STRN: variants seen among roughly 807,000 people sequenced by gnomAD.
STRN encodes the protein protein phosphatase 2 regulatory subunit B'''alpha.
Under a neutral mutation model 96.3 loss-of-function variants are expected in STRN, and 53 were observed. That is an observed-to-expected ratio of 0.55 (90% CI 0.44 to 0.69). STRN has a LOEUF of 0.69. Among genes scored for constraint, STRN ranks in the 30% least tolerant of loss-of-function variants. The pLI is 0.00. For missense variants in STRN, 987 were observed against 963.9 expected (o/e 1.02, Z -0.32); for synonymous variants, 428 against 355.9 (o/e 1.20, Z -2.28).
intron 1 of STRN, among the ~76,000 whole-genome samples, chr2:36,950,669 G>C (rs1239219457): frequency 1.3e-5 from 2 of 152,168 alleles, no homozygotes; most frequent in African/African-American, 4.8e-5. Context: ...GAGAATGCCA[G>C]ATTTCAGGAA....
intron 15 of STRN, among the ~76,000 whole-genome samples, chr2:36,851,557 T>C (rs1347960836): frequency 6.6e-6 from 1 of 152,240 alleles, no homozygotes; most frequent in Admixed American, 6.5e-5. Context: ...TCATTTATTC[T>C]GTGACTGTTT....
intron 1 of STRN, among the ~76,000 whole-genome samples, chr2:36,927,585 T>C (rs1234306402): frequency 1.3e-5 from 2 of 150,536 alleles, no homozygotes; most frequent in African/African-American, 2.4e-5. Context: ...TCCCAGAACT[T>C]TGGGAGACTG....
intron 1 of STRN, among the ~76,000 whole-genome samples, chr2:36,927,677 T>C (rs764475945): frequency 2.0e-5 from 3 of 151,964 alleles, no homozygotes; most frequent in South Asian, 4.1e-4. Context: ...ATTAAAAATA[T>C]AAAAAATAAA....
chr2:36,894,145 G>A, intron 6 of STRN, 112 bp from the exon 7 acceptor site: 7 of 1,203,778 alleles, frequency 5.8e-6, no homozygotes, highest in Non-Finnish European at 5.7e-6. Context: ...TTAAATAACT[G>A]TACTACCTAA....
At chr2:36,938,754 T>G (rs1262999565) in intron 1 of STRN, among the ~76,000 whole-genome samples, 1 of 152,206 alleles carries the variant, frequency 6.6e-6, no homozygotes, top group Admixed American at 6.5e-5. Context: ...TTAATGACAA[T>G]TTTGTGATTT....
intron 2 of STRN, among the ~76,000 whole-genome samples, chr2:36,920,964 A>G (rs1348060853): frequency 6.6e-6 from 1 of 151,678 alleles, no homozygotes; most frequent in Non-Finnish European, 1.5e-5. Flanking sequence ...AGTCCCAGCT[A>G]CTCAGGAGAC....
At chr2:36,917,875 AAG>A (rs753390078) in intron 2 of STRN, among the ~76,000 whole-genome samples, 1 of 152,162 alleles carries the variant, frequency 6.6e-6, no homozygotes, top group Non-Finnish European at 1.5e-5. Flanking sequence ...CTTAAGCAAA[AAG>A]TAAAAGGTAC....
At chr2:36,852,976 G>C (rs747021437) in intron 15 of STRN, among the ~76,000 whole-genome samples, 25 of 152,176 alleles carry the variant, frequency 1.6e-4, no homozygotes, top group Non-Finnish European at 1.6e-4. Context: ...GGCCAACATG[G>C]TGAAACTCTG....
chr2:36,964,266 GT>G (rs1665102066), intron 1 of STRN, among the ~76,000 whole-genome samples: 1 of 145,638 alleles, frequency 6.9e-6, no homozygotes, highest in African/African-American at 2.6e-5. Context: ...TGTGTGTTTT[GT>G]TTTTGTTTTT....
Position 36,849,254 on chromosome 2 carries a change from A to G in STRN, c.*202T>C, listed in dbSNP as rs945630801. ...AAACAGACCTCAGGCTCACAGATTC[A>G]GCTGAGCTTGCAGCAACCTGAACAA... is the stretch of plus-strand genomic sequence containing the variant. On this transcript the variant is annotated 3_prime_UTR_variant, in exon 18 of 18. Coordinates refer to ENST00000263918, the MANE Select transcript of STRN (RefSeq NM_003162.4). 53 of 590,488 alleles carry G rather than the reference A, an allele frequency of 9.0e-5. No homozygotes were observed. The highest frequency in any genetic ancestry group is 8.6e-6 in the Non-Finnish European group (3 of 349,606). The allele number at this position is 590,488 out of a possible 1,614,324, so 36.6% of individuals were successfully genotyped here. A position where few individuals can be genotyped will look rare whatever the true frequency, so the allele number is the denominator to read the frequency against.
At chr2:36,874,367 A>G (rs142890303) in intron 10 of STRN, among the ~76,000 whole-genome samples, 1 of 151,956 alleles carries the variant, frequency 6.6e-6, no homozygotes, top group Non-Finnish European at 1.5e-5. Context: ...GATGAATCAT[A>G]AAAAAAATAA....
chr2:36,916,504 A>C, intron 2 of STRN, among the ~76,000 whole-genome samples: 1 of 152,142 alleles, frequency 6.6e-6, no homozygotes, highest in Non-Finnish European at 1.5e-5. Context: ...GTTAAAAAAA[A>C]AAAAAAGGTT....
At chr2:36,950,507 T>A (rs1198450001) in intron 1 of STRN, among the ~76,000 whole-genome samples, 1 of 152,210 alleles carries the variant, frequency 6.6e-6, no homozygotes, top group Non-Finnish European at 1.5e-5. Context: ...TAGTTTTTAC[T>A]TAGGGAAAAC....
chr2:36,955,829 A>T (rs1003136952), intron 1 of STRN, among the ~76,000 whole-genome samples: 1 of 152,204 alleles, frequency 6.6e-6, no homozygotes, highest in Non-Finnish European at 1.5e-5. Flanking sequence ...GAATATTTGC[A>T]TATACCTAAT....
chr2:36,874,835 T>TG lies in STRN; in HGVS notation c.1323+3055_1323+3056insC, dbSNP rs138211335. Among the ~76,000 whole-genome samples the TG allele has an allele frequency of 6.5e-3, 985 of 150,962 alleles. 16 individuals are homozygous for TG. The highest frequency in any genetic ancestry group is 0.023 in the African/African-American group (939 of 41,092). On this transcript the variant is annotated intron_variant, in intron 10 of 17. Transcript: ENST00000263918. ...AAAACAAGACACAGAGAGAACTGGA[T>TG]ACCAACAGACCTTCACTAAAGAGAA...
In STRN at chr2:36,881,395, T is replaced by C. The variant is rs915752204; in HGVS notation, c.1186+2537A>G. On this transcript the variant is annotated intron_variant, in intron 9 of 17. Coordinates refer to ENST00000263918, the MANE Select transcript of STRN (RefSeq NM_003162.4). ...TGCCCACCTCAGCCTCCCAAAGTGCTGGGATTACAGGCGTGAGCAACTAAA... is the reference window on the plus strand; with the variant it reads ...TGCCCACCTCAGCCTCCCAAAGTGCCGGGATTACAGGCGTGAGCAACTAAA... Among the ~76,000 whole-genome samples, 3 of 152,156 alleles carry C rather than the reference T, an allele frequency of 2.0e-5. No individual in the cohort carries two copies. In the East Asian group the frequency reaches 5.8e-4, roughly 29 times the overall value.
chr2:36,931,906 G>A (rs1209832852), intron 1 of STRN, among the ~76,000 whole-genome samples: 3 of 151,932 alleles, frequency 2.0e-5, no homozygotes, highest in Non-Finnish European at 2.9e-5. Flanking sequence ...CAGCAGCCTC[G>A]AAATCCTGAA....
intron 3 of STRN, among the ~76,000 whole-genome samples, chr2:36,911,058 T>C (rs1669953957): frequency 6.6e-6 from 1 of 152,212 alleles, no homozygotes; most frequent in Non-Finnish European, 1.5e-5. Context: ...AAATCCCTGC[T>C]TCTTTAATGG....
At position 36,845,135 on chromosome 2, in the gene STRN, T is replaced by C. The variant is rs2148115028; in HGVS notation, c.*4321A>G. The C allele has an allele frequency of 1.3e-5, 2 of 152,298 alleles. No homozygotes were observed. The highest frequency in any genetic ancestry group is 4.1e-4 in the South Asian group (2 of 4,832). 9.4% of individuals were successfully genotyped at this position (152,298 alleles called of 1,614,324 possible). ...AAATAAAATTATACTTAGCACTCTT[T>C]TTCATGTAAGTTCAATAATTATTTG... On this transcript the variant is annotated 3_prime_UTR_variant, in exon 18 of 18. Transcript: ENST00000263918.
Sources: allele counts gnomAD v4.1 joint callset (sites outside exome capture counted in the v4.1 genomes callset), GRCh38; gene constraint gnomAD v4.1.1; transcripts MANE v1.5; gene names NCBI Gene and HGNC (gene_info 2026-07-23, HGNC 2026-07-21).